Variants in ACBD7 observed in about 807,000 individuals in gnomAD.
ACBD7 encodes acyl-CoA-binding domain-containing protein 7.
A neutral mutation model predicts 13.7 loss-of-function variants in ACBD7; 11 were observed. That is an observed-to-expected ratio of 0.80 (90% confidence interval 0.50 to 1.33). The LOEUF is 1.33. ACBD7 is among the 40% of genes most tolerant of loss of function. ACBD7 has a pLI of 0.00. For missense variants in ACBD7, 111 were observed against 103.0 expected (o/e 1.08, Z -0.33); for synonymous variants, 43 against 37.7 (o/e 1.14, Z -0.51).
intron 1 of ACBD7, among the ~76,000 whole-genome samples, chr10:15,082,551 T>C (rs1844762202): frequency 6.6e-6 from 1 of 152,126 alleles, no homozygotes; most frequent in African/African-American, 2.4e-5. Context: ...AGAACAAAAT[T>C]GAAATGCTAC....
rs747148754 is a variant in ACBD7, at chr10:15,088,765, G to A, written c.-37C>T. ...CCGCGTTGTTGCTGCTGCTGTTGTC[G>A]TCCGGTGCTCTGCCCCCTCTCGCAC... is the stretch of plus-strand genomic sequence containing the variant. On this transcript the variant is annotated 5_prime_UTR_variant, in exon 1 of 4. It adds an upstream start codon to the 5' untranslated region. Transcript: ENST00000356189. 5 of 1,598,430 alleles carry A rather than the reference G, an allele frequency of 3.1e-6. No individual in the cohort carries two copies. The highest frequency in any genetic ancestry group is 1.1e-5 in the South Asian group (1 of 89,654).
At chr10:15,080,397 T>C (rs950209173) in intron 1 of ACBD7, among the ~76,000 whole-genome samples, 6 of 151,726 alleles carry the variant, frequency 4.0e-5, no homozygotes, top group African/African-American at 1.2e-4. Context: ...CCGGCCAACA[T>C]AGCAAAACCC....
At chr10:15,082,178 C>T (rs113217640) in intron 1 of ACBD7, among the ~76,000 whole-genome samples, 1,927 of 150,348 alleles carry the variant, frequency 0.013, 39 homozygotes, top group African/African-American at 0.044. Context: ...CCCAGCTACT[C>T]GGGAGGCTGA....
In ACBD7 at chr10:15,076,244, T is replaced by C; in HGVS notation, c.*2286A>G. 13 of 985,340 alleles carry C rather than the reference T, an allele frequency of 1.3e-5. No individual in the cohort carries two copies. The highest frequency in any genetic ancestry group is 1.6e-5 in the Non-Finnish European group (13 of 829,916). The allele number at this position is 985,340 out of a possible 1,614,324, so 61.0% of individuals were successfully genotyped here. ...GGATCTCAAACAATTTTTTGAATTG[T>C]TAACATGAGACTGTCTTCTTTCAAA... On this transcript the variant is annotated 3_prime_UTR_variant, in exon 4 of 4. Transcript: ENST00000356189.
chr10:15,079,268 C>CTTTTTTT (rs36008210), intron 1 of ACBD7, among the ~76,000 whole-genome samples: 2 of 126,454 alleles, frequency 1.6e-5, no homozygotes, highest in African/African-American at 3.0e-5. Context: ...GGTTTAACTT[C>CTTTTTTT]TTTTTTTTTT....
rs1564542300 is a variant in ACBD7 at position 15,088,748 on chromosome 10, T to C, written c.-20A>G. 22 of 1,598,896 alleles carry C rather than the reference T, an allele frequency of 1.4e-5. No individual in the cohort carries two copies. The highest frequency in any genetic ancestry group is 1.5e-5 in the Non-Finnish European group (18 of 1,175,462). On this transcript the variant is annotated 5_prime_UTR_variant, in exon 1 of 4. Coordinates refer to ENST00000356189, the MANE Select transcript of ACBD7 (RefSeq NM_001039844.3). ...GGCCATGGTGGCGGCTGCCGCGTTGTTGCTGCTGCTGTTGTCGTCCGGTGC... is the reference window on the plus strand; with the variant it reads ...GGCCATGGTGGCGGCTGCCGCGTTGCTGCTGCTGCTGTTGTCGTCCGGTGC...
Position 15,078,364 on chromosome 10 carries a change from A to C in ACBD7, c.*166T>G, listed in dbSNP as rs1844708044. The C allele has an allele frequency of 1.4e-6, 2 of 1,481,326 alleles. No homozygotes were observed. The highest frequency in any genetic ancestry group is 2.8e-5 in the African/African-American group (2 of 71,510). 91.8% of individuals were successfully genotyped at this position (1,481,326 alleles called of 1,614,324 possible). A position where few individuals can be genotyped will look rare whatever the true frequency, so the allele number is the denominator to read the frequency against. ...AAGACACCTGGTTTAAGCAAGTACAATTGAGTTAACTATGTAGTTTCAGTA... is the reference window on the plus strand; with the variant it reads ...AAGACACCTGGTTTAAGCAAGTACACTTGAGTTAACTATGTAGTTTCAGTA... On this transcript the variant is annotated 3_prime_UTR_variant, in exon 4 of 4. Coordinates refer to ENST00000356189, the MANE Select transcript of ACBD7 (RefSeq NM_001039844.3).
chr10:15,079,152 G>A, intron 1 of ACBD7, 112 bp from the exon 2 acceptor site: 2 of 548,248 alleles, frequency 3.6e-6, no homozygotes, highest in South Asian at 7.4e-5. Flanking sequence ...TGCTGCTCTG[G>A]TTCTATCAGA....
chr10:15,088,449 C>A, intron 1 of ACBD7: 1 of 530,246 alleles, frequency 1.9e-6, no homozygotes, highest in Non-Finnish European at 3.3e-6. Context: ...GGAGGAGGCC[C>A]GCTCCGTGCT....
chr10:15,075,976 C>CAAAAA lies in ACBD7; in HGVS notation c.*2549_*2553dup, dbSNP rs10541297. ...GTAACAGAGTGACAGCCTGTCTCAA[C>CAAAAA]AAAAAAAAAAAAAAAAAAAAAGAAA... On this transcript the variant is annotated 3_prime_UTR_variant, in exon 4 of 4. Coordinates refer to ENST00000356189, the MANE Select transcript of ACBD7 (RefSeq NM_001039844.3). The CAAAAA allele has an allele frequency of 2.7e-3, 835 of 312,482 alleles. No homozygotes were observed. Among genetic ancestry groups the CAAAAA allele is most frequent in the Admixed American group, 4.8e-3 (46 of 9,566 alleles). 19.4% of individuals were successfully genotyped at this position (312,482 alleles called of 1,614,324 possible).
chr10:15,085,451 A>G (rs1037749722), intron 1 of ACBD7, among the ~76,000 whole-genome samples: 1 of 152,212 alleles, frequency 6.6e-6, no homozygotes, highest in Non-Finnish European at 1.5e-5. Context: ...GTCATCCCAC[A>G]TAGGGGGTTG....
chr10:15,085,776 A>G (rs1247324169), intron 1 of ACBD7, among the ~76,000 whole-genome samples: 2 of 152,228 alleles, frequency 1.3e-5, no homozygotes, highest in Non-Finnish European at 2.9e-5. Flanking sequence ...TCAGGAGGCT[A>G]TAGCCGAATT....
At chr10:15,088,671 C>A (rs778628127) in intron 1 of ACBD7, 46 bp downstream of exon 1, 1 of 1,588,146 alleles carries the variant, frequency 6.3e-7, no homozygotes, top group South Asian at 1.1e-5. Flanking sequence ...TAAGCACTCC[C>A]CTCGCGGAGC....
chr10:15,079,922 G>T (rs1338840957), intron 1 of ACBD7, among the ~76,000 whole-genome samples: 2 of 148,974 alleles, frequency 1.3e-5, no homozygotes, highest in Admixed American at 6.7e-5. Context: ...CTCATTGAAG[G>T]TTTCTCAATC....
chr10:15,078,966 G>C lies in ACBD7; in HGVS notation c.87C>G (p.Leu29=), dbSNP rs11598719. The change falls in exon 2 of 4, where the codon CTC becomes CTG. Residue 29 remains leucine, a synonymous_variant. Coordinates refer to ENST00000356189, the MANE Select transcript of ACBD7 (RefSeq NM_001039844.3). ...ARPDDGELKE[L]YGLYKQAIVG... is the part of the protein sequence containing the mutation. ...CTATTGCTTGTTTGTAAAGCCCATAGAGTTCTTTCAGTTCTCCATCATCTG... is the reference window on the plus strand; with the variant it reads ...CTATTGCTTGTTTGTAAAGCCCATACAGTTCTTTCAGTTCTCCATCATCTG... The C allele has an allele frequency of 1.1e-5, 17 of 1,606,574 alleles. No homozygotes were observed. In the African/African-American group the frequency reaches 2.3e-4, roughly 22 times the overall value.
chr10:15,081,953 C>T (rs1050543947), intron 1 of ACBD7, among the ~76,000 whole-genome samples: 1 of 152,152 alleles, frequency 6.6e-6, no homozygotes, highest in African/African-American at 2.4e-5. Flanking sequence ...GGCTCTGGAG[C>T]CAGACTGCCT....
chr10:15,076,967 A>C lies in ACBD7; in HGVS notation c.*1563T>G, dbSNP rs981359887. 7 of 971,144 alleles carry C rather than the reference A, an allele frequency of 7.2e-6. No homozygotes were observed. The highest frequency in any genetic ancestry group is 1.8e-5 in the African/African-American group (1 of 56,936). 60.2% of individuals were successfully genotyped at this position (971,144 alleles called of 1,614,324 possible). ...AAACAACAGATGTGGAGAAAAGGGA[A>C]TGCTTATACACTATTGGTGGGAATG... On this transcript the variant is annotated 3_prime_UTR_variant, in exon 4 of 4. Transcript: ENST00000356189.
Sources: allele counts gnomAD v4.1 joint callset (sites outside exome capture counted in the v4.1 genomes callset), GRCh38; gene constraint gnomAD v4.1.1; transcripts MANE v1.5; gene names NCBI Gene and HGNC (gene_info 2026-07-23, HGNC 2026-07-21).